MPP7: variants seen among roughly 807,000 people sequenced by gnomAD.
MPP7 encodes MAGUK p55 subfamily member 7.
A neutral mutation model predicts 76.5 loss-of-function variants in MPP7; 60 were observed. The ratio of observed to expected loss-of-function variants is 0.78; its 90% CI spans 0.64 to 0.97. MPP7 has a LOEUF of 0.97. MPP7 is among the 50% of genes least tolerant of loss of function. MPP7 has a pLI of 0.00. For missense variants in MPP7, 641 were observed against 694.0 expected, an observed-to-expected ratio of 0.92 and a Z score of 0.86; for synonymous variants, 237 against 244.5, an observed-to-expected ratio of 0.97 and a Z score of 0.29.
chr10:28,254,083 T>C (rs1374133959), intron 1 of MPP7, among the ~76,000 whole-genome samples: 2 of 144,420 alleles, frequency 1.4e-5, no homozygotes, highest in Admixed American at 6.8e-5. Context: ...AATTGCACTA[T>C]AATCTCCTTG....
At chr10:28,189,151 A>G (rs1448656494) in intron 3 of MPP7, among the ~76,000 whole-genome samples, 1 of 152,238 alleles carries the variant, frequency 6.6e-6, no homozygotes, top group African/African-American at 2.4e-5. Flanking sequence ...GGGGGATTAC[A>G]TTAGCATAGA....
chr10:28,157,076 G>A (rs986115544), intron 3 of MPP7, among the ~76,000 whole-genome samples: 4 of 152,104 alleles, frequency 2.6e-5, no homozygotes, highest in African/African-American at 9.7e-5. Context: ...CAGGTGTGGT[G>A]CAGCGTGCCT....
At chr10:28,143,585 G>C (rs1417655205) in intron 5 of MPP7, among the ~76,000 whole-genome samples, 1 of 140,874 alleles carries the variant, frequency 7.1e-6, no homozygotes, top group East Asian at 1.9e-4. Context: ...TCCTATCTTT[G>C]TGGATCAAAT....
At chr10:28,204,473 A>C (rs1037824397) in intron 2 of MPP7, among the ~76,000 whole-genome samples, 2 of 151,310 alleles carry the variant, frequency 1.3e-5, no homozygotes, top group African/African-American at 4.9e-5. Context: ...GCATAGCACT[A>C]AATACGCAAA....
At chr10:28,232,871 T>TG (rs1250092730) in intron 2 of MPP7, among the ~76,000 whole-genome samples, 1 of 152,218 alleles carries the variant, frequency 6.6e-6, no homozygotes, top group African/African-American at 2.4e-5. Context: ...CCAGGTCACA[T>TG]GGATGCTGGC....
chr10:28,164,286 C>G (rs78236200), intron 3 of MPP7, among the ~76,000 whole-genome samples: 17,365 of 152,090 alleles, frequency 0.11, 1,542 homozygotes, highest in African/African-American at 0.24. Context: ...ATAGGAGACC[C>G]CGCAGATGCT....
At chr10:28,186,920 A>G (rs1837257230) in intron 3 of MPP7, among the ~76,000 whole-genome samples, 1 of 152,226 alleles carries the variant, frequency 6.6e-6, no homozygotes, top group Admixed American at 6.5e-5. Context: ...CTGGAATTAG[A>G]GAACAGCAGG....
chr10:28,180,388 T>C (rs1837021564), intron 3 of MPP7, among the ~76,000 whole-genome samples: 1 of 152,148 alleles, frequency 6.6e-6, no homozygotes, highest in South Asian at 2.1e-4. Flanking sequence ...AGAGGGGAGA[T>C]GCATGTCTAT....
Position 28,262,192 on chromosome 10 carries a change from T to TATATATATATATAC in MPP7, c.-131-23458_-131-23457insGTATATATATATAT, listed in dbSNP as rs1564741065. Among the ~76,000 whole-genome samples the TATATATATATATAC allele has an allele frequency of 2.7e-3, 52 of 19,106 alleles. 5 individuals carry two copies. The highest frequency in any genetic ancestry group is 5.1e-3 in the Non-Finnish European group (43 of 8,374). The allele number at this position is 19,106 out of a possible 152,430, so 12.5% of individuals were successfully genotyped here. The stretch of plus-strand genomic sequence containing the variant: ...AATAAATAAATAAATAAATTATATA[T>TATATATATATATAC]ATATATATATATATACATATATATA... On this transcript the variant is annotated intron_variant, in intron 1 of 16. Coordinates refer to ENST00000683449, the MANE Select transcript of MPP7 (RefSeq NM_001318170.2).
At chr10:28,279,735 T>C (rs1840612879) in intron 1 of MPP7, among the ~76,000 whole-genome samples, 1 of 151,896 alleles carries the variant, frequency 6.6e-6, no homozygotes, top group South Asian at 2.1e-4. Flanking sequence ...CCATGCATTC[T>C]TTCAATATCA....
chr10:28,282,106 G>A (rs1840692112), intron 1 of MPP7: 1 of 152,104 alleles, frequency 6.6e-6, no homozygotes, highest in Admixed American at 6.5e-5. Flanking sequence ...TCCTGTAAAA[G>A]GAAGTGCACA....
chr10:28,277,000 T>C (rs994069564), intron 1 of MPP7, among the ~76,000 whole-genome samples: 2 of 151,836 alleles, frequency 1.3e-5, no homozygotes, highest in Non-Finnish European at 2.9e-5. Flanking sequence ...TGAGACCAGC[T>C]TGGACAACAT....
At chr10:28,154,730 C>G (rs1835992982) in intron 3 of MPP7, among the ~76,000 whole-genome samples, 1 of 133,168 alleles carries the variant, frequency 7.5e-6, no homozygotes, top group African/African-American at 3.0e-5. Flanking sequence ...TTTGGAAAAT[C>G]TGAGTTAGTT....
intron 1 of MPP7, among the ~76,000 whole-genome samples, chr10:28,252,198 T>C (rs914162717): frequency 6.6e-6 from 1 of 152,212 alleles, no homozygotes; most frequent in Non-Finnish European, 1.5e-5. Context: ...ACAAAAAATA[T>C]CAAACTATAA....
intron 2 of MPP7, among the ~76,000 whole-genome samples, chr10:28,312,111 C>A (rs531940315): frequency 2.0e-5 from 3 of 152,200 alleles, no homozygotes; most frequent in Non-Finnish European, 2.9e-5. Context: ...TTGTGAAGAG[C>A]GAAAGAACAA....
intron 8 of MPP7, among the ~76,000 whole-genome samples, chr10:28,121,058 C>T (rs1834820026): frequency 6.6e-6 from 1 of 152,004 alleles, no homozygotes; most frequent in African/African-American, 2.4e-5. Context: ...GTCTGTAATT[C>T]CAGTGTTTTG....
At chr10:28,161,823 T>C (rs1384498422) in intron 3 of MPP7, among the ~76,000 whole-genome samples, 1 of 152,240 alleles carries the variant, frequency 6.6e-6, no homozygotes, top group African/African-American at 2.4e-5. Flanking sequence ...CATATGGCTA[T>C]ACGTTAAAAC....
intron 3 of MPP7, among the ~76,000 whole-genome samples, chr10:28,168,246 T>C (rs10826413): frequency 0.1 from 15,263 of 151,964 alleles, 1,337 homozygotes; most frequent in East Asian, 0.44. Flanking sequence ...AAAAAGATTA[T>C]ATTTTCTATA....
intron 5 of MPP7, among the ~76,000 whole-genome samples, chr10:28,143,317 G>A (rs191387577): frequency 1.0e-3 from 154 of 152,234 alleles, no homozygotes; most frequent in African/African-American, 3.6e-3. Context: ...AAGCAATGAC[G>A]ATAGGGGCTT....
Sources: gnomAD v4.1 joint callset for allele counts (sites outside exome capture counted in the v4.1 genomes callset) on GRCh38, gnomAD v4.1.1 for gene constraint, MANE v1.5 for transcripts, NCBI Gene and HGNC (gene_info 2026-07-23, HGNC 2026-07-21) for gene names.